Variants in ATP2B2 observed in about 807,000 individuals in gnomAD.
ATP2B2 encodes the protein ATPase plasma membrane Ca2+ transporting 2.
Under a neutral mutation model 120.0 loss-of-function variants are expected in ATP2B2, and 15 were observed. That is an observed-to-expected ratio of 0.12 (90% CI 0.08 to 0.19). The LOEUF (loss-of-function observed/expected upper bound fraction) is 0.19. Ranked by LOEUF, ATP2B2 falls within the 10% of genes least tolerant of loss-of-function variation. The pLI is 1.00. For synonymous variants in ATP2B2, 694 were observed against 700.3 expected, an observed-to-expected ratio of 0.99 and a Z score of 0.14; for missense variants, 1,045 against 1,719.8, an observed-to-expected ratio of 0.61 and a Z score of 6.94.
At chr3:10,401,814 G>A (rs1575126202) in intron 4 of ATP2B2, among the ~76,000 whole-genome samples, 1 of 152,246 alleles carries the variant, frequency 6.6e-6, no homozygotes, top group African/African-American at 2.4e-5. Flanking sequence ...GCTCTGAGCT[G>A]TGACTGATTA....
At chr3:10,420,962 T>C (rs2062957147) in intron 2 of ATP2B2, among the ~76,000 whole-genome samples, 1 of 152,146 alleles carries the variant, frequency 6.6e-6, no homozygotes, top group Non-Finnish European at 1.5e-5. Context: ...GGGATTGCAA[T>C]GTGCAGCAGG....
intron 1 of ATP2B2, among the ~76,000 whole-genome samples, chr3:10,654,965 G>A (rs545475891): frequency 1.1e-4 from 16 of 152,266 alleles, no homozygotes; most frequent in African/African-American, 3.9e-4. Flanking sequence ...TGTAGGGGCT[G>A]TCAGCGGGGG....
chr3:10,631,652 C>G lies in ATP2B2; in HGVS notation c.-459-11691G>C, dbSNP rs374411881. On this transcript the variant is annotated intron_variant, in intron 1 of 21. Transcript: ENST00000646379. The stretch of plus-strand genomic sequence containing the variant: ...AGTGGCCCTCACTCCCAATCCCAGG[C>G]TGGCCCTGCACAAGTCCTGGCAGCC... Among the ~76,000 whole-genome samples, 46 of 152,316 alleles carry G rather than the reference C, an allele frequency of 3.0e-4. 1 individual carries two copies. The South Asian group carries it at 9.3e-3, about 31-fold the overall frequency.
intron 18 of ATP2B2, 64 bp downstream of exon 18, chr3:10,345,320 C>A (rs1042734592): frequency 3.8e-6 from 6 of 1,584,064 alleles, no homozygotes; most frequent in Non-Finnish European, 5.2e-6. Flanking sequence ...CCCTAAGGCC[C>A]CCGAGCCTCT....
chr3:10,611,517 A>C (rs549643606), intron 2 of ATP2B2, among the ~76,000 whole-genome samples: 114 of 152,092 alleles, frequency 7.5e-4, no homozygotes, highest in African/African-American at 2.7e-3. Flanking sequence ...AAGGCAGCCC[A>C]AGGGGTCAAG....
At chr3:10,483,854 T>G (rs1423475511) in intron 1 of ATP2B2, among the ~76,000 whole-genome samples, 1 of 152,206 alleles carries the variant, frequency 6.6e-6, no homozygotes, top group African/African-American at 2.4e-5. Flanking sequence ...ACGGAAGGAC[T>G]TGGGGGCCGG....
intron 1 of ATP2B2, among the ~76,000 whole-genome samples, chr3:10,668,926 G>A (rs1011654725): frequency 2.0e-5 from 3 of 152,336 alleles, no homozygotes; most frequent in Non-Finnish European, 2.9e-5. Context: ...CACACAACCC[G>A]AGGAGAGCCG....
intron 1 of ATP2B2, among the ~76,000 whole-genome samples, chr3:10,679,729 C>T (rs899257884): frequency 6.6e-6 from 1 of 152,210 alleles, no homozygotes; most frequent in African/African-American, 2.4e-5. Flanking sequence ...GAAGCAGATT[C>T]ATGTGAATAT....
intron 1 of ATP2B2, among the ~76,000 whole-genome samples, chr3:10,477,149 T>A (rs2065234980): frequency 6.6e-6 from 1 of 152,212 alleles, no homozygotes; most frequent in South Asian, 2.1e-4. Flanking sequence ...GCCTGGCCTC[T>A]CCTGCTAGTT....
At chr3:10,594,361 T>A (rs1157070028) in intron 2 of ATP2B2, among the ~76,000 whole-genome samples, 1 of 152,222 alleles carries the variant, frequency 6.6e-6, no homozygotes, top group Middle Eastern at 3.4e-3. Flanking sequence ...ACGTGGCACA[T>A]ATACACCATG....
chr3:10,606,880 AACACACAC>A (rs147614282), intron 2 of ATP2B2, among the ~76,000 whole-genome samples: 4 of 100,046 alleles, frequency 4.0e-5, no homozygotes, highest in Non-Finnish European at 7.1e-5. Context: ...ACGGAGTCTA[AACACACAC>A]ACACACACAC....
intron 3 of ATP2B2, among the ~76,000 whole-genome samples, chr3:10,409,880 C>A (rs941056915): frequency 7.2e-5 from 11 of 152,070 alleles, no homozygotes; most frequent in Non-Finnish European, 1.3e-4. Context: ...CAATGAATCA[C>A]AAAAAAGTAT....
At chr3:10,446,405 C>T (rs375129021) in intron 2 of ATP2B2, among the ~76,000 whole-genome samples, 73 of 152,240 alleles carry the variant, frequency 4.8e-4, no homozygotes, top group Middle Eastern at 3.4e-3. Context: ...TGAATCCTAC[C>T]ACACAGAACT....
chr3:10,405,561 G>A (rs1282380843), intron 3 of ATP2B2, among the ~76,000 whole-genome samples: 1 of 152,152 alleles, frequency 6.6e-6, no homozygotes, highest in African/African-American at 2.4e-5. Context: ...GGGAGTGGGT[G>A]GGTCCTGCTG....
intron 2 of ATP2B2, among the ~76,000 whole-genome samples, chr3:10,444,626 G>A (rs780704239): frequency 2.0e-5 from 3 of 152,046 alleles, no homozygotes; most frequent in African/African-American, 4.8e-5. Flanking sequence ...TATCAACCCC[G>A]CCAGGAAACA....
rs557517793 is a variant in ATP2B2 at position 10,416,573 on chromosome 3, T to C, written c.200-5758A>G. Among the ~76,000 whole-genome samples, 5 of 152,180 alleles carry C rather than the reference T, an allele frequency of 3.3e-5. No homozygotes were observed. In the East Asian group the frequency reaches 9.6e-4, roughly 29 times the overall value. On this transcript the variant is annotated intron_variant, in intron 2 of 22. Transcript: ENST00000360273. ...CCAGACCTATTAGAGTTGGAACTCA[T>C]GTTTGAGAGCCGTCTGACAAACTCC...
At chr3:10,610,295 T>A (rs1461187896) in intron 2 of ATP2B2, among the ~76,000 whole-genome samples, 1 of 151,718 alleles carries the variant, frequency 6.6e-6, no homozygotes, top group East Asian at 1.9e-4. Context: ...CAACCCTAAA[T>A]GGGTTGGAAG....
intron 1 of ATP2B2, among the ~76,000 whole-genome samples, chr3:10,451,649 A>G (rs922846788): frequency 6.6e-6 from 1 of 152,206 alleles, no homozygotes; most frequent in Admixed American, 6.5e-5. Context: ...CTCTTATGGA[A>G]TAGAACATAA....
At chr3:10,506,155 G>C (rs2066618974), upstream of ATP2B2, among the ~76,000 whole-genome samples, 1 of 152,128 alleles carries the variant, frequency 6.6e-6, no homozygotes, top group Non-Finnish European at 1.5e-5. Context: ...GGGAGAAGTC[G>C]ACTCAACACA....
Sources: gnomAD v4.1 joint callset for allele counts (sites outside exome capture counted in the v4.1 genomes callset) on GRCh38, gnomAD v4.1.1 for gene constraint, MANE v1.5 for transcripts, NCBI Gene and HGNC (gene_info 2026-07-23, HGNC 2026-07-21) for gene names.